Variants in BBS9 observed in about 807,000 individuals in gnomAD.
BBS9 encodes Bardet-Biedl syndrome 9, also known as protein PTHB1.
Under a neutral mutation model 117.7 loss-of-function variants are expected in BBS9, and 89 were observed. The ratio of observed to expected loss-of-function variants is 0.76; its 90% CI spans 0.64 to 0.90. The LOEUF is 0.90. BBS9 is among the 40% of genes least tolerant of loss of function. The pLI is 0.00. For missense variants in BBS9, 982 were observed against 1,042.2 expected, an observed-to-expected ratio of 0.94 and a Z score of 0.80; for synonymous variants, 379 against 370.9, an observed-to-expected ratio of 1.02 and a Z score of -0.25.
intron 21 of BBS9, among the ~76,000 whole-genome samples, chr7:33,535,420 G>C (rs1187657587): frequency 6.6e-6 from 1 of 152,134 alleles, no homozygotes; most frequent in Non-Finnish European, 1.5e-5. Flanking sequence ...CTGGTTTGGG[G>C]TTATGGATTC....
chr7:33,179,662 A>T (rs1357868845), intron 5 of BBS9, among the ~76,000 whole-genome samples: 1 of 152,114 alleles, frequency 6.6e-6, no homozygotes, highest in African/African-American at 2.4e-5. Flanking sequence ...TTATTTCATT[A>T]TATATTACAA....
intron 7 of BBS9, among the ~76,000 whole-genome samples, chr7:33,266,555 G>GT (rs1798857976): frequency 6.6e-6 from 1 of 151,960 alleles, no homozygotes; most frequent in African/African-American, 2.4e-5. Flanking sequence ...TATTTTTTTT[G>GT]TTGTTAGAGT....
intron 16 of BBS9, among the ~76,000 whole-genome samples, chr7:33,364,601 C>T (rs1315250645): frequency 2.0e-5 from 3 of 150,042 alleles, no homozygotes; most frequent in Non-Finnish European, 4.4e-5. Context: ...TTTTGATGTT[C>T]TTCCTTATAT....
chr7:33,576,427 A>G (rs1011811851), intron 21 of BBS9, among the ~76,000 whole-genome samples: 2 of 152,154 alleles, frequency 1.3e-5, no homozygotes, highest in Admixed American at 1.3e-4. Context: ...AAATGGAAGA[A>G]CATTTCATGC....
At chr7:33,362,242 T>C (rs186806845) in intron 16 of BBS9, among the ~76,000 whole-genome samples, 166 of 152,340 alleles carry the variant, frequency 1.1e-3, no homozygotes, top group Middle Eastern at 3.4e-3. Flanking sequence ...CTTAACAGAA[T>C]CTTTGGAAAA....
chr7:33,607,779 C>G (rs1864660228), downstream of BBS9, among the ~76,000 whole-genome samples: 1 of 151,894 alleles, frequency 6.6e-6, no homozygotes, highest in Non-Finnish European at 1.5e-5. Flanking sequence ...TACAACTCAT[C>G]ATTTGTAATG....
chr7:33,339,046 T>C (rs188531682), intron 10 of BBS9, among the ~76,000 whole-genome samples: 125 of 152,328 alleles, frequency 8.2e-4, no homozygotes, highest in Admixed American at 1.9e-3. Flanking sequence ...ACATTGTTCA[T>C]TTAGGATTCT....
chr7:33,334,401 C>CA (rs1814830583), intron 9 of BBS9, among the ~76,000 whole-genome samples: 1 of 152,130 alleles, frequency 6.6e-6, no homozygotes, highest in Non-Finnish European at 1.5e-5. Flanking sequence ...AAGCCCCCCC[C>CA]AGAGGTCTGC....
intron 2 of BBS9, among the ~76,000 whole-genome samples, chr7:33,147,425 A>G (rs1792590339): frequency 6.6e-6 from 1 of 152,154 alleles, no homozygotes; most frequent in African/African-American, 2.4e-5. Context: ...AGAAAATTGT[A>G]TTGGTAAAGC....
intron 21 of BBS9, among the ~76,000 whole-genome samples, chr7:33,604,319 T>C (rs958871822): frequency 2.0e-5 from 3 of 152,190 alleles, no homozygotes; most frequent in African/African-American, 7.2e-5. Context: ...CACAATGCAG[T>C]TCATGACTTT....
chr7:33,432,089 C>CT (rs775827412), intron 19 of BBS9, among the ~76,000 whole-genome samples: 191 of 142,608 alleles, frequency 1.3e-3, no homozygotes, highest in Admixed American at 1.8e-3. Flanking sequence ...TTCTTTCTTT[C>CT]TTTTTTTTTT....
Position 33,582,523 on chromosome 7 carries a change from TACAC to T in BBS9, c.2522-22320_2522-22317del, listed in dbSNP as rs141224049. Among the ~76,000 whole-genome samples, 802 of 147,746 alleles carry T rather than the reference TACAC, an allele frequency of 5.4e-3. 21 individuals carry two copies. The East Asian group carries it at 0.087, about 16-fold the overall frequency. Reference sequence around the variant, plus strand: ...TCATAGTTATACCTTGTTTCTACAATACACACACACACACACACACACACATACA... The same window carrying T: ...TCATAGTTATACCTTGTTTCTACAATACACACACACACACACACACATACA... On this transcript the variant is annotated intron_variant, in intron 21 of 22. Coordinates refer to ENST00000242067, the MANE Select transcript of BBS9 (RefSeq NM_198428.3).
chr7:33,500,054 G>GA (rs148144375), intron 19 of BBS9, among the ~76,000 whole-genome samples: 11,394 of 152,080 alleles, frequency 0.075, 819 homozygotes, highest in African/African-American at 0.18. Context: ...TCTTTGTTAA[G>GA]AAAAAAACCT....
At chr7:33,209,187 C>T (rs1398063834) in intron 5 of BBS9, among the ~76,000 whole-genome samples, 1 of 152,170 alleles carries the variant, frequency 6.6e-6, no homozygotes, top group Non-Finnish European at 1.5e-5. Flanking sequence ...TAAGTGAGAA[C>T]ATGTGAAGTT....
chr7:33,406,328 G>A (rs1199578949), intron 19 of BBS9, among the ~76,000 whole-genome samples: 1 of 152,128 alleles, frequency 6.6e-6, no homozygotes, highest in South Asian at 2.1e-4. Context: ...GTTGATTTGG[G>A]GTGGAGAGTT....
chr7:33,174,250 T>G (rs970717860), intron 4 of BBS9, among the ~76,000 whole-genome samples: 1 of 152,192 alleles, frequency 6.6e-6, no homozygotes, highest in African/African-American at 2.4e-5. Context: ...GAGAGAGCAA[T>G]GGACACAATA....
chr7:33,222,011 A>G (rs941341681), intron 5 of BBS9, among the ~76,000 whole-genome samples: 1 of 152,218 alleles, frequency 6.6e-6, no homozygotes, highest in Non-Finnish European at 1.5e-5. Flanking sequence ...ATATACACAC[A>G]GTGAAATAAG....
At chr7:33,289,939 A>G (rs1803675684) in intron 9 of BBS9, among the ~76,000 whole-genome samples, 1 of 151,904 alleles carries the variant, frequency 6.6e-6, no homozygotes, top group South Asian at 2.1e-4. Flanking sequence ...CCAGCTACTC[A>G]GGAGGCTGAG....
At position 33,533,552 on chromosome 7, in the gene BBS9, A is replaced by G. The variant is rs182791430; in HGVS notation, c.2299-402A>G. 360 of 209,116 alleles carry G rather than the reference A, an allele frequency of 1.7e-3. 6 individuals carry two copies. Among genetic ancestry groups the G allele is most frequent in the Admixed American group, 0.017 (320 of 19,118 alleles). 13.0% of individuals were successfully genotyped at this position (209,116 alleles called of 1,614,324 possible). The stretch of plus-strand genomic sequence containing the variant: ...CTGGCCCGCTTTCCTTTAGCCGAAG[A>G]TAAGAAAGATAAGGCAAAACAAACT... On this transcript the variant is annotated intron_variant, in intron 20 of 22. Coordinates refer to ENST00000242067, the MANE Select transcript of BBS9 (RefSeq NM_198428.3).
Sources: gnomAD v4.1 joint callset for allele counts (sites outside exome capture counted in the v4.1 genomes callset) on GRCh38, gnomAD v4.1.1 for gene constraint, MANE v1.5 for transcripts, NCBI Gene and HGNC (gene_info 2026-07-23, HGNC 2026-07-21) for gene names.